ROBO1: variants seen among roughly 807,000 people sequenced by gnomAD.
ROBO1 encodes the protein roundabout guidance receptor 1, also known as roundabout homolog 1.
Under a neutral mutation model 195.9 loss-of-function variants are expected in ROBO1, and 149 were observed. That is an observed-to-expected ratio of 0.76 (90% confidence interval 0.67 to 0.87). The LOEUF is 0.87. Ranked by LOEUF, ROBO1 falls within the 40% of genes least tolerant of loss-of-function variation. ROBO1 has a pLI of 0.00. For missense variants in ROBO1, 1,933 were observed against 2,068.3 expected (o/e 0.93, Z 1.27); for synonymous variants, 816 against 733.2 (o/e 1.11, Z -1.82).
intron 8 of ROBO1, among the ~76,000 whole-genome samples, chr3:78,697,276 G>A (rs1038766425): frequency 6.7e-6 from 1 of 149,452 alleles, no homozygotes; most frequent in African/African-American, 2.4e-5. Flanking sequence ...GGGAGGGAGG[G>A]AGGGACGGAG....
chr3:78,844,757 A>G (rs980408627), intron 4 of ROBO1, among the ~76,000 whole-genome samples: 17 of 152,152 alleles, frequency 1.1e-4, no homozygotes, highest in African/African-American at 4.1e-4. Flanking sequence ...TATTTTCAAG[A>G]AAGTATACAT....
intron 2 of ROBO1, among the ~76,000 whole-genome samples, chr3:79,501,738 A>G (rs1231559434): frequency 6.6e-6 from 1 of 152,236 alleles, no homozygotes; most frequent in African/African-American, 2.4e-5. Flanking sequence ...GATTACATCC[A>G]CAAAAGGCTT....
chr3:79,592,240 A>G lies in ROBO1; in HGVS notation c.-50-2279T>C, dbSNP rs557805476. 3.3e-5 allele frequency among the ~76,000 whole-genome samples: 5 copies of G among 152,128 alleles called. No individual in the cohort carries two copies. In the South Asian group the frequency reaches 1.0e-3, roughly 32 times the overall value. On this transcript the variant is annotated intron_variant, in intron 1 of 30. Transcript: ENST00000464233. ...TCACCTTAAAAAGAATGCAATAATT[A>G]TAAGAAATTAAACCTGAAAGTAGAA...
intron 4 of ROBO1, among the ~76,000 whole-genome samples, chr3:78,755,208 C>T (rs1407263203): frequency 4.6e-5 from 7 of 152,244 alleles, no homozygotes; most frequent in Non-Finnish European, 5.9e-5. Context: ...GGTGGCTCAG[C>T]GCATAATCCC....
intron 2 of ROBO1, among the ~76,000 whole-genome samples, chr3:79,531,950 A>G (rs190737888): frequency 6.6e-5 from 10 of 152,274 alleles, no homozygotes. Context: ...GAATTAAGAG[A>G]GAGTAGAGAG....
chr3:79,183,693 C>T (rs151266072), intron 2 of ROBO1, among the ~76,000 whole-genome samples: 247 of 152,288 alleles, frequency 1.6e-3, no homozygotes, highest in African/African-American at 5.7e-3. Flanking sequence ...GTAATGCAGT[C>T]GGTTAGTGGC....
At chr3:79,005,496 C>G (rs1025382855) in intron 3 of ROBO1, among the ~76,000 whole-genome samples, 2 of 152,086 alleles carry the variant, frequency 1.3e-5, no homozygotes, top group African/African-American at 4.8e-5. Context: ...AAATATTTTT[C>G]TTAAATTTTG....
intron 3 of ROBO1, among the ~76,000 whole-genome samples, chr3:79,093,496 C>G (rs758230089): frequency 2.0e-5 from 3 of 151,998 alleles, no homozygotes; most frequent in Non-Finnish European, 4.4e-5. Flanking sequence ...ATTGACAGTA[C>G]ATGACGAAAA....
chr3:79,685,035 T>C (rs1947059542), intron 1 of ROBO1, among the ~76,000 whole-genome samples: 1 of 152,122 alleles, frequency 6.6e-6, no homozygotes, highest in African/African-American at 2.4e-5. Flanking sequence ...GAGTTTGACA[T>C]TGTTGCTCTT....
At chr3:78,659,881 C>G (rs1010671120) in intron 16 of ROBO1, 74 bp from the exon 17 acceptor site, 2 of 1,210,362 alleles carry the variant, frequency 1.7e-6, no homozygotes, top group Non-Finnish European at 2.3e-6. Context: ...TAATATCAAA[C>G]CCAATAATAG....
chr3:79,038,081 T>C (rs1444658786), intron 3 of ROBO1, among the ~76,000 whole-genome samples: 2 of 152,186 alleles, frequency 1.3e-5, no homozygotes, highest in African/African-American at 4.8e-5. Context: ...CTCTTAACTA[T>C]TGTACGTCAT....
chr3:78,995,041 G>A (rs1559570142), intron 3 of ROBO1, among the ~76,000 whole-genome samples: 1 of 152,114 alleles, frequency 6.6e-6, no homozygotes, highest in East Asian at 1.9e-4. Context: ...TACACTCGAA[G>A]CCAGAAGTGT....
intron 5 of ROBO1, among the ~76,000 whole-genome samples, chr3:78,740,577 C>CT (rs2082506864): frequency 6.6e-6 from 1 of 151,376 alleles, no homozygotes; most frequent in African/African-American, 2.4e-5. Context: ...GTTCAAGCGA[C>CT]TGTCCTGTCT....
chr3:79,348,929 TA>T (rs966011380), intron 2 of ROBO1, among the ~76,000 whole-genome samples: 71 of 151,564 alleles, frequency 4.7e-4, no homozygotes, highest in African/African-American at 1.4e-3. Context: ...AAAGTTTAAC[TA>T]AAAAAAAATC....
intron 2 of ROBO1, among the ~76,000 whole-genome samples, chr3:79,365,613 C>T (rs926200369): frequency 1.3e-5 from 2 of 152,090 alleles, no homozygotes; most frequent in African/African-American, 4.8e-5. Flanking sequence ...ACTACTTTCC[C>T]AGGGCCGGGC....
intron 2 of ROBO1, among the ~76,000 whole-genome samples, chr3:79,492,515 A>G (rs1479931380): frequency 6.6e-6 from 1 of 151,596 alleles, no homozygotes; most frequent in African/African-American, 2.4e-5. Context: ...TTATTTTCTC[A>G]TAAACTTAAA....
chr3:79,092,752 T>C lies in ROBO1; in HGVS notation c.172+32704A>G, dbSNP rs555926669. Among the ~76,000 whole-genome samples the C allele has an allele frequency of 1.6e-4, 24 of 152,072 alleles. 1 individual carries two copies. The highest frequency in any genetic ancestry group is 2.8e-4 in the Non-Finnish European group (19 of 68,008). Reference sequence around the variant, plus strand: ...AATATTGTTTGGCTGTGGGAGGTAGTAATGGAGAAGCAGAAATCAATTATC... The same window carrying C: ...AATATTGTTTGGCTGTGGGAGGTAGCAATGGAGAAGCAGAAATCAATTATC... On this transcript the variant is annotated intron_variant, in intron 3 of 30. Transcript: ENST00000464233.
At chr3:79,692,222 G>A (rs1947318641) in intron 1 of ROBO1, among the ~76,000 whole-genome samples, 1 of 151,846 alleles carries the variant, frequency 6.6e-6, no homozygotes, top group Admixed American at 6.6e-5. Flanking sequence ...ATGCAAAGCA[G>A]GAAGTATCCA....
intron 4 of ROBO1, among the ~76,000 whole-genome samples, chr3:78,923,325 G>T (rs1463812388): frequency 6.6e-6 from 1 of 152,060 alleles, no homozygotes; most frequent in East Asian, 1.9e-4. Context: ...AAACTCAATG[G>T]TAAGCAAAAA....
Sources: allele counts gnomAD v4.1 joint callset (sites outside exome capture counted in the v4.1 genomes callset), GRCh38; gene constraint gnomAD v4.1.1; transcripts MANE v1.5; gene names NCBI Gene and HGNC (gene_info 2026-07-23, HGNC 2026-07-21).